DOCK5: variants seen among roughly 807,000 people sequenced by gnomAD.
The protein encoded by DOCK5 is dedicator of cytokinesis protein 5.
Under a neutral mutation model 251.8 loss-of-function variants are expected in DOCK5, and 142 were observed. The ratio of observed to expected loss-of-function variants is 0.56; its 90% CI spans 0.49 to 0.65. The LOEUF is 0.65. DOCK5 is among the 30% of genes least tolerant of loss of function. The pLI is 0.00. For synonymous variants in DOCK5, 842 were observed against 835.5 expected (o/e 1.01, Z -0.13); for missense variants, 2,111 against 2,312.3 (o/e 0.91, Z 1.79).
intron 33 of DOCK5, 31 bp downstream of exon 33, chr8:25,368,756 A>T (rs768070405): frequency 6.3e-7 from 1 of 1,598,462 alleles, no homozygotes; most frequent in Non-Finnish European, 8.5e-7. Flanking sequence ...TAATATTAGT[A>T]AATGGACATA....
At chr8:25,379,884 ACCTG>A (rs1801034538) in intron 38 of DOCK5, among the ~76,000 whole-genome samples, 1 of 150,534 alleles carries the variant, frequency 6.6e-6, no homozygotes, top group African/African-American at 2.5e-5. Flanking sequence ...CCATACACAC[ACCTG>A]TACACACACA....
chr8:25,334,065 T>A (rs374539878), intron 20 of DOCK5, 31 bp from the exon 21 acceptor site: 58 of 1,538,002 alleles, frequency 3.8e-5, no homozygotes, highest in Non-Finnish European at 4.7e-5. Context: ...GATTGTGCAG[T>A]GCTGCTATTT....
intron 1 of DOCK5, among the ~76,000 whole-genome samples, chr8:25,202,145 G>T (rs955090756): frequency 2.0e-5 from 3 of 152,200 alleles, no homozygotes; most frequent in Admixed American, 6.5e-5. Flanking sequence ...GCCTCCCCAA[G>T]TAGCTGTGAC....
intron 25 of DOCK5, among the ~76,000 whole-genome samples, chr8:25,344,511 G>A (rs1800322626): frequency 6.6e-6 from 1 of 152,196 alleles, no homozygotes; most frequent in South Asian, 2.1e-4. Context: ...GGCTAGTTAT[G>A]TAACTGGACA....
At chr8:25,374,475 C>G (rs1800928854) in intron 36 of DOCK5, 89 bp from the exon 37 acceptor site, 1 of 1,233,156 alleles carries the variant, frequency 8.1e-7, no homozygotes, top group South Asian at 1.4e-5. Context: ...GCAGCCTGGG[C>G]AATACAGCAA....
intron 45 of DOCK5, among the ~76,000 whole-genome samples, chr8:25,396,110 T>G (rs1004583394): frequency 1.8e-4 from 27 of 152,246 alleles, no homozygotes; most frequent in Middle Eastern, 6.8e-3. Context: ...CCAGGTGTAG[T>G]GGTTCACACC....
chr8:25,406,532 A>G (rs2117344382), intron 48 of DOCK5, among the ~76,000 whole-genome samples: 1 of 152,246 alleles, frequency 6.6e-6, no homozygotes, highest in Non-Finnish European at 1.5e-5. Context: ...ATATAGGTAT[A>G]TTTACATAGC....
chr8:25,230,035 A>G (rs1802629987), intron 1 of DOCK5, among the ~76,000 whole-genome samples: 2 of 152,310 alleles, frequency 1.3e-5, no homozygotes, highest in African/African-American at 2.4e-5. Context: ...ATTACCTTCA[A>G]TAAGAATCAG....
intron 22 of DOCK5, among the ~76,000 whole-genome samples, chr8:25,340,448 T>G (rs1444454581): frequency 6.6e-6 from 1 of 152,234 alleles, no homozygotes; most frequent in Non-Finnish European, 1.5e-5. Context: ...TTTGGGACTT[T>G]TGTGTGTCTT....
At chr8:25,392,197 G>A (rs542600615) in intron 43 of DOCK5, among the ~76,000 whole-genome samples, 1 of 152,120 alleles carries the variant, frequency 6.6e-6, no homozygotes, top group South Asian at 2.1e-4. Flanking sequence ...CCAGCTACTC[G>A]GGAGGCTGAG....
At chr8:25,372,781 T>C (rs1737709267) in intron 35 of DOCK5, 63 bp downstream of exon 35, 1 of 1,522,860 alleles carries the variant, frequency 6.6e-7, no homozygotes, top group South Asian at 1.3e-5. Context: ...ACCCTACAGC[T>C]CAGCTCTAGG....
At chr8:25,308,007 C>T (rs1804993040) in intron 11 of DOCK5, among the ~76,000 whole-genome samples, 1 of 152,142 alleles carries the variant, frequency 6.6e-6, no homozygotes, top group Non-Finnish European at 1.5e-5. Flanking sequence ...TCACATATTG[C>T]AGTGTGTTTT....
intron 47 of DOCK5, among the ~76,000 whole-genome samples, chr8:25,401,279 C>T (rs1245604197): frequency 6.6e-6 from 1 of 152,272 alleles, no homozygotes; most frequent in Non-Finnish European, 1.5e-5. Context: ...CTATCAGAAC[C>T]TCCCAGAGCG....
intron 11 of DOCK5, among the ~76,000 whole-genome samples, chr8:25,306,484 A>T (rs1041102473): frequency 2.0e-5 from 3 of 152,120 alleles, no homozygotes; most frequent in Non-Finnish European, 4.4e-5. Context: ...AGGCGGGCAG[A>T]TCACAAGGTC....
At chr8:25,231,240 A>G (rs1301518564) in intron 1 of DOCK5, among the ~76,000 whole-genome samples, 1 of 152,132 alleles carries the variant, frequency 6.6e-6, no homozygotes, top group Non-Finnish European at 1.5e-5. Context: ...TTTCCCTGCC[A>G]TATAGAATTC....
At chr8:25,358,338 AACTC>A (rs1244785479) in intron 27 of DOCK5, among the ~76,000 whole-genome samples, 38 of 152,152 alleles carry the variant, frequency 2.5e-4, no homozygotes, top group Admixed American at 1.8e-3. Context: ...ATCTCGTGAG[AACTC>A]ACTCACTATC....
intron 2 of DOCK5, among the ~76,000 whole-genome samples, chr8:25,255,654 T>C (rs1197381557): frequency 2.0e-5 from 3 of 152,178 alleles, no homozygotes; most frequent in African/African-American, 7.2e-5. Flanking sequence ...ACACCAACAG[T>C]GGACCCCAAT....
chr8:25,185,103 C>T (rs1034730780), intron 1 of DOCK5, among the ~76,000 whole-genome samples, 152 bp downstream of exon 1: 1 of 152,160 alleles, frequency 6.6e-6, no homozygotes, highest in African/African-American at 2.4e-5. Context: ...GGTAGGAGTC[C>T]TCTCCAGGGA....
At chr8:25,245,891 G>T (rs1803091128) in intron 2 of DOCK5, among the ~76,000 whole-genome samples, 1 of 152,020 alleles carries the variant, frequency 6.6e-6, no homozygotes, top group African/African-American at 2.4e-5. Flanking sequence ...CATTTTTCAG[G>T]TTTGCTATAT....
Sources: gnomAD v4.1 joint callset for allele counts (sites outside exome capture counted in the v4.1 genomes callset) on GRCh38, gnomAD v4.1.1 for gene constraint, MANE v1.5 for transcripts, NCBI Gene and HGNC (gene_info 2026-07-23, HGNC 2026-07-21) for gene names.